Variants in UNC5C observed in about 807,000 individuals in gnomAD.
UNC5C encodes netrin receptor UNC5C.
UNC5C carries 47 observed loss-of-function variants against 99.8 expected under a neutral mutation model. The ratio of observed to expected loss-of-function variants is 0.47; its 90% CI spans 0.37 to 0.60. The LOEUF (loss-of-function observed/expected upper bound fraction) is 0.60, where lower values mean the gene tolerates loss of function less well. Ranked by LOEUF, UNC5C falls within the 20% of genes least tolerant of loss-of-function variation. UNC5C has a pLI of 0.00. For synonymous variants in UNC5C, 487 were observed against 452.2 expected (o/e 1.08, Z -0.98); for missense variants, 1,062 against 1,165.9 (o/e 0.91, Z 1.30).
intron 1 of UNC5C, among the ~76,000 whole-genome samples, chr4:95,354,369 T>G (rs1206258822): frequency 7.3e-5 from 11 of 150,874 alleles, no homozygotes; most frequent in African/African-American, 2.5e-4. Flanking sequence ...CCCTCCACAT[T>G]CCAAAAACAC....
At chr4:95,183,641 T>G (rs1161361874) in intron 13 of UNC5C, among the ~76,000 whole-genome samples, 1 of 140,468 alleles carries the variant, frequency 7.1e-6, no homozygotes, top group East Asian at 1.9e-4. Context: ...CGAACAGGCT[T>G]TAATTTTCTA....
At chr4:95,296,509 C>T (rs558290340) in intron 3 of UNC5C, among the ~76,000 whole-genome samples, 4 of 152,176 alleles carry the variant, frequency 2.6e-5, no homozygotes, top group African/African-American at 7.2e-5. Flanking sequence ...TATATCTACT[C>T]AAACACATAT....
At chr4:95,452,790 C>T (rs949350236) in intron 1 of UNC5C, among the ~76,000 whole-genome samples, 3 of 152,128 alleles carry the variant, frequency 2.0e-5, no homozygotes, top group African/African-American at 4.8e-5. Flanking sequence ...TTTTGTTTAC[C>T]ATTTGCTTTT....
At chr4:95,201,903 C>T (rs760917526) in intron 12 of UNC5C, among the ~76,000 whole-genome samples, 2 of 152,150 alleles carry the variant, frequency 1.3e-5, no homozygotes, top group African/African-American at 4.8e-5. Flanking sequence ...CACACCCGGC[C>T]GAGGGTCTTT....
intron 1 of UNC5C, among the ~76,000 whole-genome samples, chr4:95,384,947 C>G (rs1178850784): frequency 6.6e-6 from 1 of 151,994 alleles, no homozygotes; most frequent in East Asian, 1.9e-4. Context: ...GTGCTACTAA[C>G]AAATTAGGTG....
At chr4:95,462,110 A>G (rs1437826061) in intron 1 of UNC5C, among the ~76,000 whole-genome samples, 4 of 152,144 alleles carry the variant, frequency 2.6e-5, no homozygotes, top group African/African-American at 9.7e-5. Flanking sequence ...ACCGCGTTCA[A>G]GAAAATCCAT....
chr4:95,280,275 G>T (rs1434023888), intron 3 of UNC5C, among the ~76,000 whole-genome samples: 3 of 152,190 alleles, frequency 2.0e-5, no homozygotes, highest in Admixed American at 2.0e-4. Flanking sequence ...TATAAAGGTT[G>T]TGAGAAAATC....
rs369555958 is a variant in UNC5C, at chr4:95,255,031, A to G, written c.595-4364T>C. Among the ~76,000 whole-genome samples the G allele has an allele frequency of 2.1e-4, 32 of 151,638 alleles. No homozygotes were observed. In the East Asian group the frequency reaches 5.4e-3, roughly 26 times the overall value. ...TTTAAGACAAAGTCTCACCGTGTGC[A>G]GTGGTACAATCTCAGCTCACTGCAG... On this transcript the variant is annotated intron_variant, in intron 4 of 15. Coordinates refer to ENST00000453304, the MANE Select transcript of UNC5C (RefSeq NM_003728.4).
At chr4:95,420,452 T>C (rs1044225943) in intron 1 of UNC5C, among the ~76,000 whole-genome samples, 1 of 152,174 alleles carries the variant, frequency 6.6e-6, no homozygotes, top group African/African-American at 2.4e-5. Context: ...CTTACACTCT[T>C]TTATTTTTAA....
At chr4:95,213,013 C>T (rs1016193334) in intron 10 of UNC5C, among the ~76,000 whole-genome samples, 2 of 152,178 alleles carry the variant, frequency 1.3e-5, no homozygotes, top group Non-Finnish European at 2.9e-5. Flanking sequence ...TTCCCTCCAC[C>T]GATGCATTCC....
intron 2 of UNC5C, among the ~76,000 whole-genome samples, chr4:95,331,515 G>T (rs1016191260): frequency 6.6e-6 from 1 of 152,044 alleles, no homozygotes; most frequent in Non-Finnish European, 1.5e-5. Context: ...TTTCTGTAAA[G>T]TTCTGGATGA....
chr4:95,459,045 AC>A (rs1309841074), intron 1 of UNC5C, among the ~76,000 whole-genome samples: 1 of 152,012 alleles, frequency 6.6e-6, no homozygotes, highest in Non-Finnish European at 1.5e-5. Context: ...TTTGATTTAC[AC>A]CCCTGTTATC....
chr4:95,190,346 G>T (rs567662568), intron 12 of UNC5C, among the ~76,000 whole-genome samples: 145 of 151,640 alleles, frequency 9.6e-4, no homozygotes, highest in African/African-American at 3.2e-3. Context: ...GTTGTGGGGT[G>T]GGGGGAGGCG....
chr4:95,271,458 T>C lies in UNC5C; in HGVS notation c.594+6801A>G, dbSNP rs575674604. Among the ~76,000 whole-genome samples, 86 of 152,208 alleles carry C rather than the reference T, an allele frequency of 5.7e-4. 1 individual carries two copies. Among genetic ancestry groups the C allele is most frequent in the Admixed American group, 9.2e-4 (14 of 15,294 alleles). On this transcript the variant is annotated intron_variant, in intron 4 of 15. Transcript: ENST00000453304. ...GTTAGCCAGGATGGTCTCGATCTCCTGACCTCGTGATCCGCCCGCCTCGGC... is the reference window on the plus strand; with the variant it reads ...GTTAGCCAGGATGGTCTCGATCTCCCGACCTCGTGATCCGCCCGCCTCGGC...
intron 10 of UNC5C, 30 bp from the exon 11 acceptor site, chr4:95,206,826 G>A (rs764276232): frequency 6.6e-7 from 1 of 1,514,634 alleles, no homozygotes; most frequent in South Asian, 1.3e-5. Context: ...TGGCTTCAGT[G>A]ACATTTCCAT....
At chr4:95,178,222 A>G (rs1736450324) in intron 14 of UNC5C, among the ~76,000 whole-genome samples, 1 of 152,148 alleles carries the variant, frequency 6.6e-6, no homozygotes. Context: ...TTCTCATGCC[A>G]TTTCTAAGGA....
intron 1 of UNC5C, among the ~76,000 whole-genome samples, chr4:95,439,782 G>C (rs537880166): frequency 1.3e-5 from 2 of 152,150 alleles, no homozygotes; most frequent in East Asian, 3.9e-4. Context: ...TGGCTAATTG[G>C]GTGGGAAACG....
rs1243552439 is a variant in UNC5C at position 95,415,719 on chromosome 4, C to T, written c.125-80088G>A. Among the ~76,000 whole-genome samples the T allele has an allele frequency of 1.4e-4, 21 of 152,032 alleles. No individual in the cohort carries two copies. The East Asian group carries it at 1.7e-3, about 13-fold the overall frequency. ...AAACAACTTGATGGTTAGCAACCTT[C>T]GTGGATTGCTATAATTTACTCATCC... is the stretch of plus-strand genomic sequence containing the variant. On this transcript the variant is annotated intron_variant, in intron 1 of 15. Transcript: ENST00000453304.
intron 1 of UNC5C, 62 bp from the exon 2 acceptor site, chr4:95,335,693 C>A: frequency 7.5e-7 from 1 of 1,341,696 alleles, no homozygotes; most frequent in Non-Finnish European, 1.0e-6. Flanking sequence ...CTTCTACTTG[C>A]TAGTCATGTA....
Sources: gnomAD v4.1 joint callset for allele counts (sites outside exome capture counted in the v4.1 genomes callset) on GRCh38, gnomAD v4.1.1 for gene constraint, MANE v1.5 for transcripts, NCBI Gene and HGNC (gene_info 2026-07-23, HGNC 2026-07-21) for gene names.